The following FOXF2 variants were observed in gnomAD, a reference collection of about 807,000 sequenced individuals.
FOXF2 encodes the protein forkhead box protein F2.
A neutral mutation model predicts 29.1 loss-of-function variants in FOXF2; 15 were observed. That is an observed-to-expected ratio of 0.52 (90% CI 0.35 to 0.79). FOXF2 has a LOEUF of 0.79. FOXF2 is among the 30% of genes least tolerant of loss of function. FOXF2 has a pLI of 0.01. For synonymous variants in FOXF2, 337 were observed against 316.5 expected (o/e 1.06, Z -0.69); for missense variants, 675 against 667.1 (o/e 1.01, Z -0.13).
Position 1,390,876 on chromosome 6 carries a change from C to G in FOXF2, c.929C>G (p.Pro310Arg). The G allele has an allele frequency of 6.6e-7, 1 of 1,521,228 alleles. No individual in the cohort carries two copies. The highest frequency in any genetic ancestry group is 8.8e-7 in the Non-Finnish European group (1 of 1,140,524). The allele number at this position is 1,521,228 out of a possible 1,614,324, so 94.2% of individuals were successfully genotyped here. The part of the protein sequence containing the change: ...AGGGGGGDYG[P>R]DSSSSPVPSS... Reference sequence around the variant, plus strand: ...GGCGGCGGCGGCGGCGACTACGGGCCGGACAGCAGCAGCAGCCCGGTACCC... The same window carrying G: ...GGCGGCGGCGGCGGCGACTACGGGCGGGACAGCAGCAGCAGCCCGGTACCC... Residue 310 changes from proline (P) to arginine (R), a missense_variant, in exon 1 of 2, where the codon CCG (proline) becomes CGG (arginine). This residue lies in a region of FOXF2 where 451 missense variants were observed against 437.2 expected (regional missense o/e 1.03). Transcript: ENST00000645481. This position sits in a 1 kb window ranked among gnomAD's most constrained non-coding sequence, Gnocchi z 8.5.
At chr6:1,392,867 T>G (rs954414973) in intron 1 of FOXF2, among the ~76,000 whole-genome samples, 15 of 152,000 alleles carry the variant, frequency 9.9e-5, no homozygotes, top group Non-Finnish European at 1.5e-5. Flanking sequence ...CCCGACCGAG[T>G]CTGGGAACGC....
At chr6:1,391,212 G>T in intron 1 of FOXF2, 94 bp downstream of exon 1, 1 of 1,558,646 alleles carries the variant, frequency 6.4e-7, no homozygotes, top group Admixed American at 1.8e-5. Flanking sequence ...CAGGGACCCC[G>T]AAGCTAGGAG....
rs745564988 is a variant in FOXF2 at position 1,390,070 on chromosome 6, C to T, written c.123C>T (p.Ala41=). The stretch of plus-strand genomic sequence containing the variant: ...CCGCCGCCGCCGCCGCCGCCGCCGC[C>T]CCGGAGACCACCTCCTCCTCCTCGT... ...PPAAAAAAAA[A]PETTSSSSSS... is the part of the protein sequence containing the mutation. Residue 41 remains alanine (A), a synonymous_variant, in exon 1 of 2, where the codon GCC becomes GCT. Coordinates refer to ENST00000645481, the MANE Select transcript of FOXF2 (RefSeq NM_001452.2). This position sits in a 1 kb window ranked among gnomAD's most constrained non-coding sequence, Gnocchi z 8.5. The T allele has an allele frequency of 9.8e-4, 1,368 of 1,397,788 alleles. No individual in the cohort carries two copies. Among genetic ancestry groups the T allele is most frequent in the East Asian group, 2.4e-3 (74 of 31,254 alleles). The allele number at this position is 1,397,788 out of a possible 1,614,324, so 86.6% of individuals were successfully genotyped here.
chr6:1,394,896 C>T lies in FOXF2; in HGVS notation c.*37C>T. The T allele has an allele frequency of 1.9e-6, 3 of 1,609,712 alleles. No homozygotes were observed. The highest frequency in any genetic ancestry group is 2.7e-5 in the African/African-American group (2 of 74,948). On this transcript the variant is annotated 3_prime_UTR_variant, in exon 2 of 2. Coordinates refer to ENST00000645481, the MANE Select transcript of FOXF2 (RefSeq NM_001452.2). ...CCAAGCGATGGCCGCTCTCTCCTCT[C>T]CCCTCCTCAGAGGGGGCAGATAGAA...
Position 1,394,855 on chromosome 6 carries a change from T to C in FOXF2, c.1331T>C (p.Met444Thr). 1 of 1,614,150 alleles carries C rather than the reference T, an allele frequency of 6.2e-7. No individual in the cohort carries two copies. The highest frequency in any genetic ancestry group is 8.5e-7 in the Non-Finnish European group (1 of 1,180,012). Residue 444 changes from methionine (M) to threonine (T), a missense_variant, in exon 2 of 2, where the codon ATG (methionine) becomes ACG (threonine). By Grantham distance (81) the Met-to-Thr change is moderately conservative. Coordinates refer to ENST00000645481, the MANE Select transcript of FOXF2 (RefSeq NM_001452.2). ...TGTCAGGATATTAAGCCCTGCGTCATGTGAACGGAAAGAGGCCAAGCGATG... is the reference window on the plus strand; with the variant it reads ...TGTCAGGATATTAAGCCCTGCGTCACGTGAACGGAAAGAGGCCAAGCGATG... Reference protein sequence around the residue: ...SVCQDIKPCVM With the variant: ...SVCQDIKPCVT
intron 1 of FOXF2, among the ~76,000 whole-genome samples, chr6:1,391,834 C>T (rs1758794070): frequency 2.6e-5 from 4 of 152,188 alleles, no homozygotes; most frequent in Admixed American, 1.3e-4. Flanking sequence ...TGCGCCTGCC[C>T]TGTGGATGCC....
At position 1,391,278 on chromosome 6, in the gene FOXF2, G is replaced by T. The variant is rs189777925; in HGVS notation, c.1171+160G>T. On this transcript the variant is annotated intron_variant, in intron 1 of 1. Coordinates refer to ENST00000645481, the MANE Select transcript of FOXF2 (RefSeq NM_001452.2). ...GGGAAAGCCGGCATCTTATTCGTGGGAGCAGGGATCAGGGTCTTACTGTCC... is the reference window on the plus strand; with the variant it reads ...GGGAAAGCCGGCATCTTATTCGTGGTAGCAGGGATCAGGGTCTTACTGTCC... 2.8e-3 allele frequency among the ~76,000 whole-genome samples: 428 copies of T among 152,350 alleles called. 5 individuals are homozygous for T. Among genetic ancestry groups the T allele is most frequent in the African/African-American group, 9.3e-3 (388 of 41,578 alleles).
Position 1,390,666 on chromosome 6 carries a change from A to T in FOXF2, c.719A>T (p.Gln240Leu). The T allele has an allele frequency of 3.2e-6, 5 of 1,552,260 alleles. No individual in the cohort carries two copies. The highest frequency in any genetic ancestry group is 3.5e-6 in the Non-Finnish European group (4 of 1,157,960). ...PPSAPLGCHS[Q>L]GGYGGLDMMP... ...TCGGCGCCGCTCGGCTGCCACAGCC[A>T]GGGCGGCTACGGCGGCCTCGACATG... is the stretch of plus-strand genomic sequence containing the variant. The change falls in exon 1 of 2, where the codon CAG becomes CTG. Residue 240 changes from glutamine to leucine, a missense_variant. Physicochemically the swap from Gln to Leu is moderately radical, Grantham distance 113 (BLOSUM62 -2). Around this residue, in one of 3 missense-constraint regions of FOXF2, gnomAD observed 451 missense variants for 437.2 expected, o/e 1.03. Transcript: ENST00000645481. This position sits in a 1 kb window ranked among gnomAD's most constrained non-coding sequence, Gnocchi z 8.5.
Position 1,394,850 on chromosome 6 carries a change from C to A in FOXF2, c.1326C>A (p.Cys442Ter). The change falls in exon 2 of 2, where the codon TGC becomes TGA. Residue 442 changes from cysteine to a stop codon, truncating the protein, a stop_gained. Transcript: ENST00000645481. LOFTEE classifies it high-confidence loss of function. ...GCGTCTGTCAGGATATTAAGCCCTG[C>A]GTCATGTGAACGGAAAGAGGCCAAG... Reference protein sequence around the residue: ...HQSVCQDIKPCVM With the variant: ...HQSVCQDIKP 1 of 1,614,148 alleles carries A rather than the reference C, an allele frequency of 6.2e-7. No homozygotes were observed. Among genetic ancestry groups the A allele is most frequent in the Non-Finnish European group, 8.5e-7 (1 of 1,180,012 alleles).
rs755684349 is a variant in FOXF2 at position 1,394,751 on chromosome 6, C to T, written c.1227C>T (p.Phe409=). ...HSTPVCDRKD[F]VLNFNGISSF... ...CTCCAGTGTGTGACAGAAAAGATTT[C>T]GTCCTCAACTTCAATGGGATTTCTT... The change falls in exon 2 of 2, where the codon TTC becomes TTT. Residue 409 remains phenylalanine (F), a synonymous_variant. Coordinates refer to ENST00000645481, the MANE Select transcript of FOXF2 (RefSeq NM_001452.2). The T allele has an allele frequency of 9.9e-6, 16 of 1,613,974 alleles. No individual in the cohort carries two copies. The highest frequency in any genetic ancestry group is 6.7e-5 in the Admixed American group (4 of 60,008).
rs1330854643 is a variant in FOXF2 at position 1,395,432 on chromosome 6, T to G, written c.*573T>G. The stretch of plus-strand genomic sequence containing the variant: ...CAGTATTGTGACAATACAACGTTTT[T>G]ACAAGGTTGTTTTCTACCACCATAT... On this transcript the variant is annotated 3_prime_UTR_variant, in exon 2 of 2. Coordinates refer to ENST00000645481, the MANE Select transcript of FOXF2 (RefSeq NM_001452.2). 6.5e-6 allele frequency: 1 copy of G among 154,688 alleles called. No individual in the cohort carries two copies. Among genetic ancestry groups the G allele is most frequent in the Non-Finnish European group, 1.4e-5 (1 of 69,332 alleles). The allele number at this position is 154,688 out of a possible 1,614,324, so 9.6% of individuals were successfully genotyped here. A position where few individuals can be genotyped will look rare whatever the true frequency, so the allele number is the denominator to read the frequency against.
In FOXF2 at chr6:1,390,286, C is replaced by T; in HGVS notation, c.339C>T (p.Ile113=). The change falls in exon 1 of 2, where the codon ATC becomes ATT. Residue 113 remains isoleucine, a synonymous_variant. Transcript: ENST00000645481. The surrounding 1 kb of genome is among the most constrained non-coding windows in gnomAD (Gnocchi z 8.5). ...YSYIALIVMA[I]QSSPSKRLTL... ...ACATCGCGCTCATCGTCATGGCCAT[C>T]CAGAGCTCGCCCAGCAAGCGCCTGA... The T allele has an allele frequency of 1.2e-6, 2 of 1,612,828 alleles. No individual in the cohort carries two copies. Among genetic ancestry groups the T allele is most frequent in the East Asian group, 2.2e-5 (1 of 44,804 alleles).
At position 1,390,209 on chromosome 6, in the gene FOXF2, G is replaced by T; in HGVS notation, c.262G>T (p.Ala88Ser). 6.5e-7 allele frequency: 1 copy of T among 1,536,370 alleles called. No individual in the cohort carries two copies. Among genetic ancestry groups the T allele is most frequent in the South Asian group, 1.2e-5 (1 of 81,996 alleles). Residue 88 changes from alanine (A) to serine (S), a missense_variant, in exon 1 of 2, where the codon GCC (alanine) becomes TCC (serine). Around this residue, in one of 3 missense-constraint regions of FOXF2, gnomAD observed 220 missense variants for 205.5 expected, o/e 1.07. Coordinates refer to ENST00000645481, the MANE Select transcript of FOXF2 (RefSeq NM_001452.2). This position sits in a 1 kb window ranked among gnomAD's most constrained non-coding sequence, Gnocchi z 8.5. ...GGGAGAGSGG[A>S]KKASSGLRRP... ...CGGCGCGGGCGCCGGGAGCGGGGGC[G>T]CCAAGAAGGCGAGCTCGGGGCTGCG... is the stretch of plus-strand genomic sequence containing the variant.
Position 1,389,612 on chromosome 6 carries a change from C to G in FOXF2, c.-336C>G, listed in dbSNP as rs867842295. ...CGCTCCTGAAGGGAGACGTCGGGCTCGTCCCCGGGGTCCAGGCCGCGGTCC... is the reference window on the plus strand; with the variant it reads ...CGCTCCTGAAGGGAGACGTCGGGCTGGTCCCCGGGGTCCAGGCCGCGGTCC... On this transcript the variant is annotated 5_prime_UTR_variant, in exon 1 of 2. Transcript: ENST00000645481. The G allele has an allele frequency of 4.5e-3, 682 of 150,980 alleles. 4 individuals carry two copies. The highest frequency in any genetic ancestry group is 0.018 in the South Asian group (89 of 4,854). 9.4% of individuals were successfully genotyped at this position (150,980 alleles called of 1,614,324 possible). A position where few individuals can be genotyped will look rare whatever the true frequency, so the allele number is the denominator to read the frequency against.
rs2113367569 is a variant in FOXF2 at position 1,390,276 on chromosome 6, T to C, written c.329T>C (p.Val110Ala). 2 of 1,612,270 alleles carry C rather than the reference T, an allele frequency of 1.2e-6. No individual in the cohort carries two copies. Among genetic ancestry groups the C allele is most frequent in the Non-Finnish European group, 1.7e-6 (2 of 1,179,760 alleles). Residue 110 changes from valine (V) to alanine (A), a missense_variant, in exon 1 of 2, where the codon GTC (valine) becomes GCC (alanine). Physicochemically the swap from Val to Ala is moderately conservative, Grantham distance 64 (BLOSUM62 0). This residue lies in a region of FOXF2 where 220 missense variants were observed against 205.5 expected (regional missense o/e 1.07). Coordinates refer to ENST00000645481, the MANE Select transcript of FOXF2 (RefSeq NM_001452.2). The surrounding 1 kb of genome is among the most constrained non-coding windows in gnomAD (Gnocchi z 8.5). Reference sequence around the variant, plus strand: ...CCCTACTCGTACATCGCGCTCATCGTCATGGCCATCCAGAGCTCGCCCAGC... The same window carrying C: ...CCCTACTCGTACATCGCGCTCATCGCCATGGCCATCCAGAGCTCGCCCAGC... ...KPPYSYIALI[V>A]MAIQSSPSKR...
rs938723 is a variant in FOXF2, at chr6:1,392,856, C to A, written c.1171+1738C>A. ...GCCTTCCCTGGGAGCCTCGCAGAAC[C>A]CCCGACCGAGTCTGGGAACGCCCGG... is the stretch of plus-strand genomic sequence containing the variant. On this transcript the variant is annotated intron_variant, in intron 1 of 1. Coordinates refer to ENST00000645481, the MANE Select transcript of FOXF2 (RefSeq NM_001452.2). 5.2e-3 allele frequency among the ~76,000 whole-genome samples: 799 copies of A among 152,352 alleles called. 7 individuals carry two copies. Among genetic ancestry groups the A allele is most frequent in the African/African-American group, 0.018 (761 of 41,584 alleles).
Position 1,395,204 on chromosome 6 carries a change from G to T in FOXF2, c.*345G>T. On this transcript the variant is annotated 3_prime_UTR_variant, in exon 2 of 2. Transcript: ENST00000645481. ...AGGGTGTGAAAAAAGCAGACAAGTT[G>T]TGTGTGTGTGTGTGTGTCTAAGAAA... The T allele has an allele frequency of 3.9e-6, 1 of 257,654 alleles. No individual in the cohort carries two copies. Among genetic ancestry groups the T allele is most frequent in the South Asian group, 5.7e-5 (1 of 17,482 alleles). The allele number at this position is 257,654 out of a possible 1,614,324, so 16.0% of individuals were successfully genotyped here. A position where few individuals can be genotyped will look rare whatever the true frequency, so the allele number is the denominator to read the frequency against.
In FOXF2 at chr6:1,391,040, G is replaced by T. The variant is rs761196442; in HGVS notation, c.1093G>T (p.Ala365Ser). Residue 365 changes from alanine to serine, a missense_variant, in exon 1 of 2, where the codon GCA becomes TCA. By Grantham distance (99) the Ala-to-Ser change is moderately conservative (BLOSUM62 1). This residue lies in a region of FOXF2 where 451 missense variants were observed against 437.2 expected (regional missense o/e 1.03). Transcript: ENST00000645481. ...GCCCAGCAGCAACCCCGCCGCCTCG[G>T]CAGGCCTGCACTCCAGCATGTCCTC... ...LTPSSNPAAS[A>S]GLHSSMSSYS... The T allele has an allele frequency of 1.8e-5, 29 of 1,600,866 alleles. No homozygotes were observed. The highest frequency in any genetic ancestry group is 2.5e-5 in the Non-Finnish European group (29 of 1,178,498).
In FOXF2 at chr6:1,389,727, G is replaced by T. The variant is rs1758731012; in HGVS notation, c.-221G>T. Reference sequence around the variant, plus strand: ...AGGCAGGGCCCGCGGCTCGGGGAGGGATGCGCCGGGCGTTGCCTCCCGCCC... The same window carrying T: ...AGGCAGGGCCCGCGGCTCGGGGAGGTATGCGCCGGGCGTTGCCTCCCGCCC... On this transcript the variant is annotated 5_prime_UTR_variant, in exon 1 of 2. Transcript: ENST00000645481. 1 of 151,834 alleles carries T rather than the reference G, an allele frequency of 6.6e-6. No individual in the cohort carries two copies. The highest frequency in any genetic ancestry group is 6.6e-5 in the Admixed American group (1 of 15,048). The allele number at this position is 151,834 out of a possible 1,614,324, so 9.4% of individuals were successfully genotyped here.
Sources: gnomAD v4.1 joint callset for allele counts (sites outside exome capture counted in the v4.1 genomes callset) on GRCh38, gnomAD v4.1.1 for gene constraint, gnomAD v4.1.1 regional missense constraint, Gnocchi (gnomAD v3.1) non-coding constraint, MANE v1.5 for transcripts, NCBI Gene and HGNC (gene_info 2026-07-23, HGNC 2026-07-21) for gene names.